Variants in CCDC102B observed in about 807,000 individuals in gnomAD.
CCDC102B encodes the protein coiled-coil domain containing 102B.
In CCDC102B, 75 loss-of-function variants were observed where a neutral mutation model predicts 57.4. The ratio of observed to expected loss-of-function variants is 1.31; its 90% CI spans 1.08 to 1.58. CCDC102B has a LOEUF of 1.58. Among genes scored for constraint, CCDC102B ranks in the 40% most tolerant of loss-of-function variants. The pLI is 0.00. For synonymous variants in CCDC102B, 206 were observed against 201.9 expected (o/e 1.02, Z -0.17); for missense variants, 636 against 582.6 (o/e 1.09, Z -0.94).
chr18:68,727,587 T>G (rs955719544), intron 2 of CCDC102B, among the ~76,000 whole-genome samples: 1 of 152,218 alleles, frequency 6.6e-6, no homozygotes. Context: ...CCATTAGGAC[T>G]TTCTGAAAAG....
intron 1 of CCDC102B, among the ~76,000 whole-genome samples, chr18:68,812,830 G>A (rs2036319967): frequency 6.6e-6 from 1 of 152,178 alleles, no homozygotes; most frequent in African/African-American, 2.4e-5. Context: ...ACATCCTAGG[G>A]AAGTTGAATA....
rs115889002 is a variant in CCDC102B at position 68,876,122 on chromosome 18, A to G, written c.1053+1337A>G. The stretch of plus-strand genomic sequence containing the variant: ...CTCTGAGAAGCATCTTTCATTAAAC[A>G]TTGTACAACATGTTGTATAAAAGTT... On this transcript the variant is annotated intron_variant, in intron 5 of 7. Coordinates refer to ENST00000360242, the MANE Select transcript of CCDC102B (RefSeq NM_024781.3). Among the ~76,000 whole-genome samples, 1,129 of 152,340 alleles carry G rather than the reference A, an allele frequency of 7.4e-3. 15 individuals carry two copies. Among genetic ancestry groups the G allele is most frequent in the African/African-American group, 0.026 (1,061 of 41,568 alleles).
At chr18:68,782,262 A>G (rs2035029745) in intron 2 of CCDC102B, among the ~76,000 whole-genome samples, 1 of 152,084 alleles carries the variant, frequency 6.6e-6, no homozygotes, top group African/African-American at 2.4e-5. Context: ...GGTGCATTTT[A>G]GAGTTCATGA....
chr18:69,057,977 C>T (rs940426160), downstream of CCDC102B, among the ~76,000 whole-genome samples: 1 of 151,944 alleles, frequency 6.6e-6, no homozygotes, highest in African/African-American at 2.4e-5. Context: ...GGTCGTTTTC[C>T]AACCCTCACC....
chr18:69,036,731 AAAAT>A (rs1201931564), intron 7 of CCDC102B, among the ~76,000 whole-genome samples: 1 of 152,078 alleles, frequency 6.6e-6, no homozygotes, highest in African/African-American at 2.4e-5. Context: ...AGAGGCCATT[AAAAT>A]ATAGATCATA....
intron 6 of CCDC102B, among the ~76,000 whole-genome samples, chr18:68,903,760 TG>T (rs2040530297): frequency 6.6e-6 from 1 of 152,224 alleles, no homozygotes; most frequent in African/African-American, 2.4e-5. Flanking sequence ...GAAATCATTC[TG>T]GCAACTGAAT....
At chr18:68,777,510 A>G (rs2034862417) in intron 2 of CCDC102B, among the ~76,000 whole-genome samples, 2 of 152,196 alleles carry the variant, frequency 1.3e-5, no homozygotes, top group Admixed American at 1.3e-4. Context: ...TGTTGGGCCT[A>G]ATAATTCTTA....
upstream of CCDC102B, among the ~76,000 whole-genome samples, chr18:68,795,908 G>T (rs1414271484): frequency 6.6e-6 from 1 of 152,170 alleles, no homozygotes; most frequent in Non-Finnish European, 1.5e-5. Context: ...CCTCTTGAAG[G>T]TGTTCCACCA....
intron 1 of CCDC102B, among the ~76,000 whole-genome samples, chr18:68,833,759 G>A (rs1382128): frequency 0.48 from 72,976 of 151,878 alleles, 17,800 homozygotes; most frequent in East Asian, 0.67. Context: ...ATTTTTTAGT[G>A]ATATTATATA....
intron 6 of CCDC102B, 111 bp from the exon 7 acceptor site, chr18:69,010,823 T>A (rs1165966303): frequency 4.5e-6 from 3 of 668,556 alleles, no homozygotes; most frequent in Non-Finnish European, 7.3e-6. Flanking sequence ...AGATGATGGC[T>A]CATCTAAATT....
chr18:68,982,780 T>C (rs2050625187), intron 6 of CCDC102B, among the ~76,000 whole-genome samples: 1 of 151,952 alleles, frequency 6.6e-6, no homozygotes, highest in South Asian at 2.1e-4. Flanking sequence ...TCCCCTTCTA[T>C]AAAAATTAAA....
At chr18:68,995,299 A>T (rs1434764109) in intron 6 of CCDC102B, among the ~76,000 whole-genome samples, 2 of 152,212 alleles carry the variant, frequency 1.3e-5, no homozygotes, top group Non-Finnish European at 2.9e-5. Flanking sequence ...CCTGCCACAG[A>T]AATTGCATAA....
intron 5 of CCDC102B, among the ~76,000 whole-genome samples, chr18:68,889,649 A>G (rs137884919): frequency 0.012 from 1,780 of 152,150 alleles, 37 homozygotes; most frequent in East Asian, 0.08. Context: ...ATGTTGGTCA[A>G]GCTGGTCTCA....
At chr18:69,044,923 C>A (rs983214350) in intron 7 of CCDC102B, among the ~76,000 whole-genome samples, 1 of 152,142 alleles carries the variant, frequency 6.6e-6, no homozygotes, top group African/African-American at 2.4e-5. Flanking sequence ...TTCAGAATCT[C>A]AAAGTATCAG....
At chr18:68,905,784 CTTTTTTTTTTT>C (rs35808828) in intron 6 of CCDC102B, among the ~76,000 whole-genome samples, 1 of 70,464 alleles carries the variant, frequency 1.4e-5, no homozygotes, top group Non-Finnish European at 2.4e-5. Context: ...TTATGTCTGG[CTTTTTTTTTTT>C]TTTTTTTTTT....
At chr18:68,836,034 G>A (rs895449968) in intron 1 of CCDC102B, among the ~76,000 whole-genome samples, 18 of 152,124 alleles carry the variant, frequency 1.2e-4, no homozygotes, top group Non-Finnish European at 2.4e-4. Flanking sequence ...AGATCAATAG[G>A]TTGTGCATTC....
chr18:68,995,972 T>G lies in CCDC102B; in HGVS notation c.1264-14962T>G, dbSNP rs141562633. On this transcript the variant is annotated intron_variant, in intron 6 of 7. Coordinates refer to ENST00000360242, the MANE Select transcript of CCDC102B (RefSeq NM_024781.3). ...GATTGTGGGAGCTCACTCCTTGCAT[T>G]AGCGTGACCTGGATGTGAGACATAG... Among the ~76,000 whole-genome samples the G allele has an allele frequency of 2.9e-3, 446 of 152,310 alleles. 1 individual carries two copies. The highest frequency in any genetic ancestry group is 1.0e-2 in the African/African-American group (415 of 41,576).
intron 1 of CCDC102B, among the ~76,000 whole-genome samples, chr18:68,811,981 G>GA (rs1324324910): frequency 1.3e-5 from 2 of 152,088 alleles, no homozygotes; most frequent in African/African-American, 2.4e-5. Context: ...TATCAATCTG[G>GA]AAAAAAAGTA....
chr18:68,788,155 A>G lies in CCDC102B; in HGVS notation c.-66-35211A>G, dbSNP rs2035283016. On this transcript the variant is annotated intron_variant, in intron 2 of 3. Coordinates refer to the CCDC102B transcript ENST00000578970. ...TGAGCGGTTTTGAGTGAGATTCTTA[A>G]TCCTGAGTTCTAGTTTGATTGCACT... Among the ~76,000 whole-genome samples, 2 of 152,068 alleles carry G rather than the reference A, an allele frequency of 1.3e-5. 1 individual carries two copies. The highest frequency in any genetic ancestry group is 4.1e-4 in the South Asian group (2 of 4,822).
Sources: allele counts gnomAD v4.1 joint callset (sites outside exome capture counted in the v4.1 genomes callset), GRCh38; gene constraint gnomAD v4.1.1; transcripts MANE v1.5; gene names NCBI Gene and HGNC (gene_info 2026-07-23, HGNC 2026-07-21).